CEP112: variants seen among roughly 807,000 people sequenced by gnomAD.
CEP112 encodes the protein centrosomal protein 112.
In CEP112, 127 loss-of-function variants were observed where a neutral mutation model predicts 153.0. That is an observed-to-expected ratio of 0.83 (90% CI 0.72 to 0.96). The LOEUF (loss-of-function observed/expected upper bound fraction) is 0.96, where lower values mean the gene tolerates loss of function less well. CEP112 is among the 40% of genes least tolerant of loss of function. The pLI, the probability that CEP112 is intolerant of heterozygous loss-of-function variation, is 0.00. For missense variants in CEP112, 1,089 were observed against 1,101.2 expected, an observed-to-expected ratio of 0.99 and a Z score of 0.16; for synonymous variants, 358 against 374.4, an observed-to-expected ratio of 0.96 and a Z score of 0.51.
At chr17:66,182,024 T>G (rs117164859) in intron 2 of CEP112, 5,188 of 152,204 alleles carry the variant, frequency 0.034, 130 homozygotes, top group Middle Eastern at 0.061. Context: ...AATGCATAAT[T>G]TATATATCAT....
At position 65,689,146 on chromosome 17, in the gene CEP112, A is replaced by T. The variant is rs773829533; in HGVS notation, c.2680T>A (p.Leu894Met). The T allele has an allele frequency of 1.2e-6, 2 of 1,612,284 alleles. No homozygotes were observed. Among genetic ancestry groups the T allele is most frequent in the South Asian group, 1.1e-5 (1 of 91,040 alleles). The change falls in exon 24 of 27, where the codon TTG (leucine) becomes ATG (methionine). Residue 894 changes from leucine (L) to methionine (M), a missense_variant. Physicochemically the swap from Leu to Met is conservative, Grantham distance 15. Coordinates refer to ENST00000535342, the MANE Select transcript of CEP112 (RefSeq NM_001199165.4). ...GAGGGTACCTGTTCCTGTGACTCCA[A>T]TTCTTTGTGTTGTAATTTTTTCTCT... Reference protein sequence around the residue: ...CAEKKLQHKELESQEQITYIR... With the variant: ...CAEKKLQHKEMESQEQITYIR...
intron 21 of CEP112, among the ~76,000 whole-genome samples, chr17:65,759,822 C>T (rs1419279539): frequency 6.6e-6 from 1 of 152,150 alleles, no homozygotes; most frequent in Non-Finnish European, 1.5e-5. Context: ...TCATATAAAT[C>T]TCATACATAC....
At chr17:66,130,695 G>A (rs1033941477) in intron 5 of CEP112, among the ~76,000 whole-genome samples, 1 of 146,926 alleles carries the variant, frequency 6.8e-6, no homozygotes, top group Non-Finnish European at 1.5e-5. Flanking sequence ...AGAATGGTGT[G>A]AACCCGGGAG....
chr17:65,894,068 A>G (rs978669615), intron 20 of CEP112, among the ~76,000 whole-genome samples: 3 of 152,178 alleles, frequency 2.0e-5, no homozygotes, highest in African/African-American at 7.2e-5. Flanking sequence ...TTTCCAAGAC[A>G]TTAAGGAAGA....
intron 12 of CEP112, among the ~76,000 whole-genome samples, chr17:66,046,105 C>A (rs976044125): frequency 6.6e-6 from 1 of 151,528 alleles, no homozygotes; most frequent in Admixed American, 6.6e-5. Context: ...TGCAGTGGTG[C>A]GATCTCTCCT....
chr17:66,071,755 A>C (rs1363246316), intron 8 of CEP112, among the ~76,000 whole-genome samples: 1 of 152,218 alleles, frequency 6.6e-6, no homozygotes, highest in Admixed American at 6.5e-5. Context: ...GCAGCAACCA[A>C]GAGAAAGCAG....
intron 19 of CEP112, among the ~76,000 whole-genome samples, chr17:65,916,250 A>AGT (rs3222034): frequency 0.14 from 18,108 of 129,780 alleles, 1,284 homozygotes; most frequent in African/African-American, 0.18. Context: ...TTTGAAAAAG[A>AGT]GTGTGTGTGT....
At chr17:65,822,289 A>C (rs1460749521) in intron 21 of CEP112, among the ~76,000 whole-genome samples, 1 of 152,158 alleles carries the variant, frequency 6.6e-6, no homozygotes, top group Admixed American at 6.5e-5. Flanking sequence ...GACACAACAA[A>C]GTACAGTCTT....
chr17:65,640,688 G>A (rs990787323), intron 25 of CEP112, among the ~76,000 whole-genome samples: 4 of 152,188 alleles, frequency 2.6e-5, no homozygotes, highest in Non-Finnish European at 5.9e-5. Flanking sequence ...ATAAAAGGAT[G>A]AGGCTATATT....
rs958204893 is a variant in CEP112, at chr17:66,010,863, T to C, written c.1657-5094A>G. Among the ~76,000 whole-genome samples the C allele has an allele frequency of 7.2e-5, 11 of 152,240 alleles. No homozygotes were observed. In the East Asian group the frequency reaches 7.7e-4, roughly 11 times the overall value. ...TGTGCTGCTGAATTTGGTTTCCTAG[T>C]ATTTTGTTGAAGATTTTTGTATCAA... On this transcript the variant is annotated intron_variant, in intron 16 of 26. Transcript: ENST00000535342.
chr17:65,786,065 T>G (rs1231965798), intron 21 of CEP112, among the ~76,000 whole-genome samples: 1 of 152,218 alleles, frequency 6.6e-6, no homozygotes, highest in East Asian at 1.9e-4. Flanking sequence ...TATGAATGCC[T>G]TTTCATTTAT....
intron 20 of CEP112, among the ~76,000 whole-genome samples, chr17:65,872,258 C>T (rs374526104): frequency 3.3e-5 from 5 of 151,808 alleles, no homozygotes; most frequent in Non-Finnish European, 5.9e-5. Flanking sequence ...CATAAAAAGG[C>T]TATTCTTAAA....
chr17:66,139,277 T>A (rs1434122343), intron 4 of CEP112, among the ~76,000 whole-genome samples: 2 of 151,744 alleles, frequency 1.3e-5, no homozygotes, highest in African/African-American at 4.8e-5. Context: ...AAATCAGAAA[T>A]GAAAGATAAG....
chr17:66,100,337 T>C (rs1319805647), intron 6 of CEP112, among the ~76,000 whole-genome samples: 1 of 150,176 alleles, frequency 6.7e-6, no homozygotes, highest in East Asian at 2.0e-4. Context: ...GAGGCGGAGC[T>C]TGCAGTGAGC....
chr17:65,814,567 A>G lies in CEP112; in HGVS notation c.2394+37237T>C, dbSNP rs1043811943. Among the ~76,000 whole-genome samples the G allele has an allele frequency of 2.0e-5, 3 of 152,196 alleles. No individual in the cohort carries two copies. The South Asian group carries it at 6.2e-4, about 31-fold the overall frequency. On this transcript the variant is annotated intron_variant, in intron 21 of 26. Transcript: ENST00000535342. Reference sequence around the variant, plus strand: ...AGTGCAATAAATGTTGGCCATTTGTATTATTAGTAAGGATAATTAAGGCAA... The same window carrying G: ...AGTGCAATAAATGTTGGCCATTTGTGTTATTAGTAAGGATAATTAAGGCAA...
Position 66,063,082 on chromosome 17 carries a change from C to A in CEP112, c.956-1G>T. 1 of 1,516,538 alleles carries A rather than the reference C, an allele frequency of 6.6e-7. No individual in the cohort carries two copies. Among genetic ancestry groups the A allele is most frequent in the Non-Finnish European group, 8.9e-7 (1 of 1,127,046 alleles). The allele number at this position is 1,516,538 out of a possible 1,614,324, so 93.9% of individuals were successfully genotyped here. On this transcript the variant is annotated splice_acceptor_variant, in intron 10 of 26. Coordinates refer to ENST00000535342, the MANE Select transcript of CEP112 (RefSeq NM_001199165.4). LOFTEE classifies it high-confidence loss of function. ...TGACAGTCACGTATCAGTGTCTGAA[C>A]TGTCAAAAATTTTGAAAACATAGTT...
intron 6 of CEP112, among the ~76,000 whole-genome samples, chr17:66,112,279 G>A (rs971685984): frequency 5.9e-5 from 9 of 151,606 alleles, no homozygotes; most frequent in African/African-American, 2.2e-4. Context: ...GGATGAGAGT[G>A]AGACTTTGTC....
intron 18 of CEP112, among the ~76,000 whole-genome samples, chr17:65,937,574 G>C (rs1292962761): frequency 2.4e-5 from 2 of 84,610 alleles, no homozygotes; most frequent in South Asian, 7.0e-4. Context: ...GGTGGGGGGG[G>C]TCAGCCCCCC....
intron 23 of CEP112, among the ~76,000 whole-genome samples, chr17:65,691,168 G>A (rs567862357): frequency 1.3e-5 from 2 of 152,228 alleles, no homozygotes; most frequent in African/African-American, 4.8e-5. Context: ...GCAGGTGTTG[G>A]GGGAGAGGAG....
Sources: allele counts gnomAD v4.1 joint callset (sites outside exome capture counted in the v4.1 genomes callset), GRCh38; gene constraint gnomAD v4.1.1; transcripts MANE v1.5; gene names NCBI Gene and HGNC (gene_info 2026-07-23, HGNC 2026-07-21).